The following SLC7A14 variants were observed in gnomAD, a reference collection of about 807,000 sequenced individuals.
The protein encoded by SLC7A14 is gamma-aminobutyric acid transporter SLC7A14.
SLC7A14 carries 37 observed loss-of-function variants against 60.2 expected under a neutral mutation model. That is an observed-to-expected ratio of 0.61 (90% CI 0.47 to 0.81). The LOEUF (loss-of-function observed/expected upper bound fraction) is 0.81, where lower values mean the gene tolerates loss of function less well. Among genes scored for constraint, SLC7A14 ranks in the 30% least tolerant of loss-of-function variants. The pLI, the probability that SLC7A14 is intolerant of heterozygous loss-of-function variation, is 0.00. For missense variants in SLC7A14, 886 were observed against 982.7 expected, an observed-to-expected ratio of 0.90 and a Z score of 1.32; for synonymous variants, 399 against 395.8, an observed-to-expected ratio of 1.01 and a Z score of -0.10.
At position 170,465,219 on chromosome 3, in the gene SLC7A14, C is replaced by T. The variant is rs906132013; in HGVS notation, c.*1836G>A. ...TAATGGTATACATTGGCTATGATTA[C>T]GATATGTAATTTATTTAAAGCATAT... On this transcript the variant is annotated 3_prime_UTR_variant, in exon 8 of 8. Coordinates refer to ENST00000231706, the MANE Select transcript of SLC7A14 (RefSeq NM_020949.3). 11 of 152,240 alleles carry T rather than the reference C, an allele frequency of 7.2e-5. No homozygotes were observed. Among genetic ancestry groups the T allele is most frequent in the Non-Finnish European group, 1.2e-4 (8 of 68,016 alleles). 9.4% of individuals were successfully genotyped at this position (152,240 alleles called of 1,614,324 possible). A position where few individuals can be genotyped will look rare whatever the true frequency, so the allele number is the denominator to read the frequency against.
intron 3 of SLC7A14, among the ~76,000 whole-genome samples, chr3:170,500,809 G>GTATTTGTCT (rs145798695): frequency 6.6e-6 from 1 of 151,898 alleles, no homozygotes; most frequent in South Asian, 2.1e-4. Context: ...TAGCTACATA[G>GTATTTGTCT]TATTTGTCTG....
chr3:170,512,653 C>CTTTT (rs1483240298), intron 2 of SLC7A14, among the ~76,000 whole-genome samples: 15 of 74,718 alleles, frequency 2.0e-4, no homozygotes, highest in East Asian at 3.8e-4. Flanking sequence ...GTACAATTTG[C>CTTTT]ATTTTTTTTT....
intron 7 of SLC7A14, among the ~76,000 whole-genome samples, chr3:170,471,704 C>T (rs909983847): frequency 1.3e-5 from 2 of 152,102 alleles, no homozygotes; most frequent in Non-Finnish European, 2.9e-5. Flanking sequence ...TAAACTCTTG[C>T]GGAGGGCAAT....
chr3:170,514,010 C>T (rs1251024319), intron 2 of SLC7A14, among the ~76,000 whole-genome samples: 2 of 152,240 alleles, frequency 1.3e-5, no homozygotes, highest in African/African-American at 2.4e-5. Context: ...TTATCCATCT[C>T]CATCTGTGTG....
At chr3:170,571,845 G>A (rs189177108) in intron 1 of SLC7A14, among the ~76,000 whole-genome samples, 1 of 152,250 alleles carries the variant, frequency 6.6e-6, no homozygotes, top group African/African-American at 2.4e-5. Flanking sequence ...CAGATCACAA[G>A]GTCATGGGCT....
chr3:170,561,567 A>C (rs1372298891), intron 1 of SLC7A14, among the ~76,000 whole-genome samples: 1 of 152,216 alleles, frequency 6.6e-6, no homozygotes, highest in Admixed American at 6.5e-5. Context: ...TGCTCTGCTT[A>C]CCCCACAGGG....
chr3:170,512,832 T>G (rs1282535337), intron 2 of SLC7A14, among the ~76,000 whole-genome samples: 1 of 151,260 alleles, frequency 6.6e-6, no homozygotes, highest in Non-Finnish European at 1.5e-5. Flanking sequence ...CCCGGCTAAT[T>G]TTTTGTATTT....
chr3:170,550,765 GC>G (rs1379478280), intron 1 of SLC7A14, among the ~76,000 whole-genome samples: 1 of 151,666 alleles, frequency 6.6e-6, no homozygotes, highest in Non-Finnish European at 1.5e-5. Context: ...CAGGTGATCT[GC>G]CTGCCTAGGC....
At chr3:170,495,834 G>A (rs1712373542) in intron 4 of SLC7A14, 1 of 1,138,640 alleles carries the variant, frequency 8.8e-7, no homozygotes, top group South Asian at 1.2e-5. Flanking sequence ...GCAGAAGATG[G>A]CTCGGATCAA....
intron 7 of SLC7A14, among the ~76,000 whole-genome samples, chr3:170,470,308 A>ATATGTG (rs372412774): frequency 1.9e-3 from 274 of 143,694 alleles, no homozygotes; most frequent in African/African-American, 6.7e-3. Context: ...TGGAAGGAAC[A>ATATGTG]TGTGTGTGTG....
chr3:170,545,674 C>G (rs918584374), intron 1 of SLC7A14, among the ~76,000 whole-genome samples: 4 of 152,212 alleles, frequency 2.6e-5, no homozygotes, highest in African/African-American at 9.6e-5. Context: ...GTGCCTTTGG[C>G]TAAAGGTCCT....
intron 1 of SLC7A14, among the ~76,000 whole-genome samples, chr3:170,552,412 C>A (rs953325699): frequency 6.6e-6 from 1 of 152,118 alleles, no homozygotes; most frequent in African/African-American, 2.4e-5. Context: ...ACATATCAAT[C>A]TTTATAGCAC....
intron 1 of SLC7A14, among the ~76,000 whole-genome samples, chr3:170,551,241 T>C (rs1056197010): frequency 7.9e-5 from 12 of 152,264 alleles, no homozygotes; most frequent in African/African-American, 2.9e-4. Flanking sequence ...TTCTGTTTTA[T>C]GGCTGAATAA....
At position 170,460,545 on chromosome 3, in the gene SLC7A14, T is replaced by C. The variant is rs977177634; in HGVS notation, c.*6510A>G. On this transcript the variant is annotated 3_prime_UTR_variant, in exon 8 of 8. Coordinates refer to ENST00000231706, the MANE Select transcript of SLC7A14 (RefSeq NM_020949.3). ...ATCAGCAACTGCCAAGACCAATCAATAGATGTGCATGGAACATTCTCTTCA... is the reference window on the plus strand; with the variant it reads ...ATCAGCAACTGCCAAGACCAATCAACAGATGTGCATGGAACATTCTCTTCA... The C allele has an allele frequency of 6.6e-6, 1 of 152,152 alleles. No homozygotes were observed. Among genetic ancestry groups the C allele is most frequent in the Non-Finnish European group, 1.5e-5 (1 of 68,030 alleles). The allele number at this position is 152,152 out of a possible 1,614,324, so 9.4% of individuals were successfully genotyped here.
At chr3:170,521,528 AG>A (rs1713338599) in intron 2 of SLC7A14, among the ~76,000 whole-genome samples, 1 of 152,264 alleles carries the variant, frequency 6.6e-6, no homozygotes, top group African/African-American at 2.4e-5. Flanking sequence ...CACAAACTGG[AG>A]AAAGTATTTG....
At chr3:170,537,534 G>C (rs918292906) in intron 1 of SLC7A14, among the ~76,000 whole-genome samples, 1 of 152,064 alleles carries the variant, frequency 6.6e-6, no homozygotes, top group South Asian at 2.1e-4. Context: ...GTCTCTCTTC[G>C]TATTTCTGTA....
intron 1 of SLC7A14, among the ~76,000 whole-genome samples, chr3:170,561,597 A>C (rs1247728911): frequency 6.6e-6 from 1 of 152,220 alleles, no homozygotes; most frequent in Admixed American, 6.5e-5. Context: ...GGATTAAATG[A>C]AAAATGCTAC....
chr3:170,490,029 A>G (rs993198520), intron 4 of SLC7A14, among the ~76,000 whole-genome samples: 20 of 152,290 alleles, frequency 1.3e-4, no homozygotes, highest in African/African-American at 4.8e-4. Context: ...ACCTACTATT[A>G]GATAACATAA....
At chr3:170,487,103 A>G (rs9865309) in intron 4 of SLC7A14, among the ~76,000 whole-genome samples, 16,886 of 143,318 alleles carry the variant, frequency 0.12, 1,330 homozygotes, top group African/African-American at 0.21. Context: ...TGGGGCTTGA[A>G]TAACCTAGTT....
Sources: gnomAD v4.1 joint callset for allele counts (sites outside exome capture counted in the v4.1 genomes callset) on GRCh38, gnomAD v4.1.1 for gene constraint, MANE v1.5 for transcripts, NCBI Gene and HGNC (gene_info 2026-07-23, HGNC 2026-07-21) for gene names.